EPB41L5: variants seen among roughly 807,000 people sequenced by gnomAD.
EPB41L5 encodes band 4.1-like protein 5.
Under a neutral mutation model 106.6 loss-of-function variants are expected in EPB41L5, and 55 were observed. The observed-to-expected ratio is 0.52, with a 90% CI of 0.42 to 0.65. EPB41L5 has a LOEUF of 0.65. Among genes scored for constraint, EPB41L5 ranks in the 30% least tolerant of loss-of-function variants. EPB41L5 has a pLI of 0.00. For synonymous variants in EPB41L5, 297 were observed against 306.7 expected, an observed-to-expected ratio of 0.97 and a Z score of 0.33; for missense variants, 871 against 882.1, an observed-to-expected ratio of 0.99 and a Z score of 0.16.
At chr2:120,031,351 A>G (rs1678698120) in intron 2 of EPB41L5, among the ~76,000 whole-genome samples, 2 of 152,224 alleles carry the variant, frequency 1.3e-5, no homozygotes, top group Non-Finnish European at 2.9e-5. Context: ...ATTGGGTGGT[A>G]ACAATACCTT....
At chr2:120,105,795 T>G in intron 16 of EPB41L5, 1 of 985,364 alleles carries the variant, frequency 1.0e-6, no homozygotes, top group Non-Finnish European at 1.2e-6. Flanking sequence ...TGATAATTGC[T>G]AAGTATTGTC....
intron 14 of EPB41L5, among the ~76,000 whole-genome samples, chr2:120,099,501 C>T (rs1684003607): frequency 6.6e-6 from 1 of 151,994 alleles, no homozygotes; most frequent in Non-Finnish European, 1.5e-5. Context: ...GATCTCAGCT[C>T]ACTGCAAGCT....
At position 120,165,947 on chromosome 2, in the gene EPB41L5, G is replaced by A. The variant is rs143524498; in HGVS notation, c.1962+1037G>A. ...AGCACCATTGCACTCCAGTCTGGGC[G>A]ACACAGTGAGACTCCGTCTCAAAAA... On this transcript the variant is annotated intron_variant, in intron 22 of 24. Transcript: ENST00000263713. Among the ~76,000 whole-genome samples the A allele has an allele frequency of 8.2e-4, 93 of 113,644 alleles. No individual in the cohort carries two copies. The East Asian group carries it at 0.016, about 20-fold the overall frequency. The allele number at this position is 113,644 out of a possible 152,430, so 74.6% of individuals were successfully genotyped here. A position where few individuals can be genotyped will look rare whatever the true frequency, so the allele number is the denominator to read the frequency against.
At chr2:120,083,360 GT>G (rs1682820312) in intron 10 of EPB41L5, among the ~76,000 whole-genome samples, 1 of 152,078 alleles carries the variant, frequency 6.6e-6, no homozygotes, top group South Asian at 2.1e-4. Flanking sequence ...ATTTCATTAT[GT>G]ACCCAGTAGT....
intron 10 of EPB41L5, among the ~76,000 whole-genome samples, chr2:120,080,768 T>A (rs1021675193): frequency 6.6e-6 from 1 of 152,216 alleles, no homozygotes; most frequent in African/African-American, 2.4e-5. Flanking sequence ...GTCCAGCACC[T>A]TCTGTTTCCT....
chr2:120,086,617 C>G (rs1375603892), intron 10 of EPB41L5, among the ~76,000 whole-genome samples: 1 of 151,790 alleles, frequency 6.6e-6, no homozygotes, highest in African/African-American at 2.4e-5. Context: ...CAAAAATTAG[C>G]CTGGTGTGGT....
chr2:120,138,247 A>T (rs1218521241), intron 18 of EPB41L5, among the ~76,000 whole-genome samples: 3 of 152,006 alleles, frequency 2.0e-5, no homozygotes. Context: ...ACAGACCCAC[A>T]GCTAGTATCA....
At chr2:120,075,278 C>T (rs1682152213) in intron 5 of EPB41L5, among the ~76,000 whole-genome samples, 198 bp from the exon 6 acceptor site, 1 of 151,978 alleles carries the variant, frequency 6.6e-6, no homozygotes, top group African/African-American at 2.4e-5. Context: ...TGATGGATAC[C>T]CCACGTATAC....
chr2:120,148,589 GTT>G (rs1181235730), intron 20 of EPB41L5, among the ~76,000 whole-genome samples: 2 of 152,058 alleles, frequency 1.3e-5, no homozygotes, highest in Non-Finnish European at 2.9e-5. Flanking sequence ...ACTCTGGACA[GTT>G]TATGTCAATG....
chr2:120,125,948 G>A (rs1685441346), intron 16 of EPB41L5, among the ~76,000 whole-genome samples: 1 of 152,042 alleles, frequency 6.6e-6, no homozygotes, highest in Non-Finnish European at 1.5e-5. Flanking sequence ...TGGTTTGCTG[G>A]CAGTCTTTGG....
At chr2:120,110,500 T>G (rs1684673999) in intron 16 of EPB41L5, among the ~76,000 whole-genome samples, 1 of 152,224 alleles carries the variant, frequency 6.6e-6, no homozygotes, top group Non-Finnish European at 1.5e-5. Flanking sequence ...CAACTGCCTA[T>G]CTGACATCTC....
In EPB41L5 at chr2:120,013,082, C is replaced by T. The variant is rs981785859; in HGVS notation, c.-137C>T. The T allele has an allele frequency of 6.6e-6, 1 of 152,226 alleles. No homozygotes were observed. Among genetic ancestry groups the T allele is most frequent in the Non-Finnish European group, 1.5e-5 (1 of 68,070 alleles). 9.4% of individuals were successfully genotyped at this position (152,226 alleles called of 1,614,324 possible). A position where few individuals can be genotyped will look rare whatever the true frequency, so the allele number is the denominator to read the frequency against. ...TGGACGGGCGGGAGGTCGGGGTCCT[C>T]CGGGGATTAGAGCCGGTGGGCTCGT... is the stretch of plus-strand genomic sequence containing the variant. On this transcript the variant is annotated 5_prime_UTR_variant, in exon 1 of 25. Coordinates refer to ENST00000263713, the MANE Select transcript of EPB41L5 (RefSeq NM_020909.4).
intron 2 of EPB41L5, among the ~76,000 whole-genome samples, chr2:120,024,090 G>C (rs1030532689): frequency 6.6e-6 from 1 of 152,124 alleles, no homozygotes; most frequent in African/African-American, 2.4e-5. Flanking sequence ...GAGACAGTGG[G>C]GTTTTCTAGA....
At chr2:120,159,556 A>G (rs1467349379) in intron 20 of EPB41L5, among the ~76,000 whole-genome samples, 1 of 152,190 alleles carries the variant, frequency 6.6e-6, no homozygotes, top group Non-Finnish European at 1.5e-5. Context: ...GAAACTATTT[A>G]AAAATTCATA....
chr2:120,047,539 T>A, intron 3 of EPB41L5, among the ~76,000 whole-genome samples: 1 of 152,060 alleles, frequency 6.6e-6, no homozygotes, highest in Non-Finnish European at 1.5e-5. Context: ...TGAAGTTCCT[T>A]ATCAGCTTAA....
chr2:120,075,858 G>C lies in EPB41L5; in HGVS notation c.505+105G>C. On this transcript the variant is annotated intron_variant, in intron 7 of 24. Transcript: ENST00000263713. ...TATGTGCAAGAAAAGAAACAACACT[G>C]TTTTTGTATAAACTTGTATCAGGGT... 4 of 925,424 alleles carry C rather than the reference G, an allele frequency of 4.3e-6. No homozygotes were observed. The South Asian group carries it at 5.6e-5, about 13-fold the overall frequency. The allele number at this position is 925,424 out of a possible 1,614,324, so 57.3% of individuals were successfully genotyped here. A position where few individuals can be genotyped will look rare whatever the true frequency, so the allele number is the denominator to read the frequency against.
intron 18 of EPB41L5, among the ~76,000 whole-genome samples, chr2:120,138,910 T>G (rs563725878): frequency 6.6e-6 from 1 of 152,084 alleles, no homozygotes; most frequent in Admixed American, 6.6e-5. Flanking sequence ...ACTTTAGAAC[T>G]CATAGTACCT....
At position 120,117,624 on chromosome 2, in the gene EPB41L5, G is replaced by A. The variant is rs147087569; in HGVS notation, c.1338-10064G>A. ...CTGAAAAACAATATATGGTATCTAAGTGTGTGTTTTTTTCCTTAGAGCTTT... is the reference window on the plus strand; with the variant it reads ...CTGAAAAACAATATATGGTATCTAAATGTGTGTTTTTTTCCTTAGAGCTTT... On this transcript the variant is annotated intron_variant, in intron 16 of 24. Transcript: ENST00000263713. 3.3e-4 allele frequency among the ~76,000 whole-genome samples: 50 copies of A among 152,262 alleles called. No individual in the cohort carries two copies. The East Asian group carries it at 9.6e-3, about 29-fold the overall frequency.
intron 21 of EPB41L5, 132 bp from the exon 22 acceptor site, chr2:120,164,704 T>G: frequency 3.6e-6 from 2 of 561,730 alleles, no homozygotes; most frequent in Non-Finnish European, 6.3e-6. Flanking sequence ...GATTTATGAG[T>G]GTCCCTGTGT....
Sources: gnomAD v4.1 joint callset for allele counts (sites outside exome capture counted in the v4.1 genomes callset) on GRCh38, gnomAD v4.1.1 for gene constraint, MANE v1.5 for transcripts, NCBI Gene and HGNC (gene_info 2026-07-23, HGNC 2026-07-21) for gene names.